Variants in PRKN observed in about 807,000 individuals in gnomAD.
PRKN encodes parkin RBR E3 ubiquitin protein ligase.
A neutral mutation model predicts 59.5 loss-of-function variants in PRKN; 56 were observed. The observed-to-expected ratio is 0.94, with a 90% CI of 0.76 to 1.18. The LOEUF (loss-of-function observed/expected upper bound fraction) is 1.18. PRKN is among the 50% of genes most tolerant of loss of function. The pLI is 0.00. For missense variants in PRKN, 657 were observed against 596.4 expected (o/e 1.10, Z -1.06); for synonymous variants, 250 against 222.1 (o/e 1.13, Z -1.12).
intron 2 of PRKN, among the ~76,000 whole-genome samples, chr6:162,363,985 T>C (rs1785287354): frequency 6.6e-6 from 1 of 152,188 alleles, no homozygotes; most frequent in African/African-American, 2.4e-5. Flanking sequence ...CATGAGTAAG[T>C]TCCCTCTGAG....
At position 161,703,472 on chromosome 6, in the gene PRKN, A is replaced by G. The variant is rs74596887; in HGVS notation, c.871+82300T>C. On this transcript the variant is annotated intron_variant, in intron 7 of 11. Transcript: ENST00000366898. ...TTAGAATGGATAAAATAAAGGCCAGATAACACCAGGGCTGGCAAAGATGCA... is the reference window on the plus strand; with the variant it reads ...TTAGAATGGATAAAATAAAGGCCAGGTAACACCAGGGCTGGCAAAGATGCA... Among the ~76,000 whole-genome samples the G allele has an allele frequency of 9.7e-3, 1,473 of 152,336 alleles. 6 individuals carry two copies. Among genetic ancestry groups the G allele is most frequent in the South Asian group, 0.02 (96 of 4,828 alleles).
At chr6:162,159,117 A>T (rs1782650154) in intron 4 of PRKN, among the ~76,000 whole-genome samples, 1 of 152,032 alleles carries the variant, frequency 6.6e-6, no homozygotes, top group African/African-American at 2.4e-5. Context: ...CAAAAACACC[A>T]GGTGATTTGC....
chr6:162,612,845 C>A (rs959212764), intron 1 of PRKN, among the ~76,000 whole-genome samples: 3 of 152,130 alleles, frequency 2.0e-5, no homozygotes, highest in African/African-American at 7.2e-5. Context: ...TTCTGGCCCA[C>A]AGAGGGCACC....
intron 6 of PRKN, among the ~76,000 whole-genome samples, chr6:161,882,436 C>G (rs1364827570): frequency 6.6e-6 from 1 of 152,242 alleles, no homozygotes; most frequent in East Asian, 1.9e-4. Context: ...CCAGCCCAGG[C>G]GGCAGCTTCC....
At chr6:162,046,487 T>C (rs186633177) in intron 5 of PRKN, among the ~76,000 whole-genome samples, 157 of 152,328 alleles carry the variant, frequency 1.0e-3, no homozygotes, top group African/African-American at 3.6e-3. Flanking sequence ...GCTGGAAAGA[T>C]GGCGTCATAG....
At chr6:162,596,806 G>A (rs1226738460) in intron 1 of PRKN, among the ~76,000 whole-genome samples, 2 of 152,246 alleles carry the variant, frequency 1.3e-5, no homozygotes, top group East Asian at 1.9e-4. Context: ...AGATTCTCCT[G>A]GCGCTAAAGG....
In PRKN at chr6:161,598,407, A is replaced by C. The variant is rs144901994; in HGVS notation, c.872-28991T>G. Among the ~76,000 whole-genome samples, 35 of 152,280 alleles carry C rather than the reference A, an allele frequency of 2.3e-4. No individual in the cohort carries two copies. In the East Asian group the frequency reaches 5.6e-3, roughly 24 times the overall value. On this transcript the variant is annotated intron_variant, in intron 7 of 11. Transcript: ENST00000366898. ...ATGTTAATTATAAGAGAGAGAAAAG[A>C]CCTGTAAATGAAAGAGAGAGATCAC...
chr6:161,991,293 C>T (rs1343460835), intron 5 of PRKN, among the ~76,000 whole-genome samples: 1 of 152,104 alleles, frequency 6.6e-6, no homozygotes, highest in East Asian at 1.9e-4. Context: ...CACGAAAACA[C>T]ACAAAAGTGC....
chr6:161,438,215 A>ATTT (rs34955373), intron 9 of PRKN, among the ~76,000 whole-genome samples: 1,518 of 112,406 alleles, frequency 0.014, 102 homozygotes, highest in African/African-American at 0.045. Flanking sequence ...AATTCTGTTA[A>ATTT]TTTTTTTTTT....
intron 2 of PRKN, among the ~76,000 whole-genome samples, chr6:162,319,141 G>A (rs535138865): frequency 2.0e-4 from 31 of 151,924 alleles, no homozygotes; most frequent in African/African-American, 7.0e-4. Context: ...GTGTAATTAC[G>A]AAATAAGAAA....
chr6:161,779,435 C>CTTT (rs1583153971), intron 7 of PRKN, among the ~76,000 whole-genome samples: 8 of 40,426 alleles, frequency 2.0e-4, no homozygotes, highest in Admixed American at 1.1e-3. Flanking sequence ...TTTTTCTTTT[C>CTTT]TTTTCTTTTT....
intron 4 of PRKN, among the ~76,000 whole-genome samples, chr6:162,152,394 C>G (rs954839473): frequency 6.6e-6 from 1 of 152,182 alleles, no homozygotes; most frequent in African/African-American, 2.4e-5. Context: ...TCAAGCTCAC[C>G]AGGCCCACTC....
intron 7 of PRKN, among the ~76,000 whole-genome samples, chr6:161,778,236 A>C (rs1790043834): frequency 6.6e-6 from 1 of 152,090 alleles, no homozygotes; most frequent in Non-Finnish European, 1.5e-5. Flanking sequence ...AGTCCTTTGG[A>C]CCACACCAAG....
chr6:161,924,091 C>T (rs975308143), intron 6 of PRKN, among the ~76,000 whole-genome samples: 12 of 152,126 alleles, frequency 7.9e-5, no homozygotes, highest in African/African-American at 2.7e-4. Context: ...TCAGATTCCT[C>T]GTCTGTGAAA....
chr6:161,398,192 C>T (rs548069620), intron 9 of PRKN, among the ~76,000 whole-genome samples: 1 of 152,218 alleles, frequency 6.6e-6, no homozygotes, highest in South Asian at 2.1e-4. Context: ...CCTAACAGAG[C>T]ACCATAGCAG....
chr6:162,451,526 A>G (rs931083882), intron 1 of PRKN, among the ~76,000 whole-genome samples: 3 of 152,082 alleles, frequency 2.0e-5, no homozygotes, highest in African/African-American at 7.2e-5. Flanking sequence ...GGAGTTTGAG[A>G]TCAACCTGAG....
chr6:161,800,711 G>A (rs752784837), intron 6 of PRKN, among the ~76,000 whole-genome samples: 8 of 152,138 alleles, frequency 5.3e-5, no homozygotes, highest in Non-Finnish European at 8.8e-5. Context: ...GGGAGTGACG[G>A]CACTGGGGGA....
rs538136052 is a variant in PRKN, at chr6:162,242,280, T to G, written c.412+20245A>C. ...ATAGAATCCAGGAGGTGCGGGTCCC[T>G]TTGTCCCCACCAGGAAAATGCAGTT... On this transcript the variant is annotated intron_variant, in intron 3 of 11. Transcript: ENST00000366898. 7.2e-5 allele frequency among the ~76,000 whole-genome samples: 11 copies of G among 152,198 alleles called. No homozygotes were observed. In the South Asian group the frequency reaches 1.0e-3, roughly 14 times the overall value.
At position 161,588,151 on chromosome 6, in the gene PRKN, C is replaced by T. The variant is rs1454640088; in HGVS notation, c.872-18735G>A. Among the ~76,000 whole-genome samples the T allele has an allele frequency of 1.3e-5, 2 of 151,848 alleles. No homozygotes were observed. Among genetic ancestry groups the T allele is most frequent in the Non-Finnish European group, 2.9e-5 (2 of 67,976 alleles). ...CTGTAATCCCAGCACTTTGGGAGGCCGAGTCGGGTGGATCACAAGGTCAGG... is the reference window on the plus strand; with the variant it reads ...CTGTAATCCCAGCACTTTGGGAGGCTGAGTCGGGTGGATCACAAGGTCAGG... On this transcript the variant is annotated intron_variant, in intron 7 of 11. Coordinates refer to ENST00000366898, the MANE Select transcript of PRKN (RefSeq NM_004562.3). The surrounding 1 kb of genome is among the most constrained non-coding windows in gnomAD (Gnocchi z 5.0).
Sources: gnomAD v4.1 joint callset for allele counts (sites outside exome capture counted in the v4.1 genomes callset) on GRCh38, gnomAD v4.1.1 for gene constraint, Gnocchi (gnomAD v3.1) non-coding constraint, MANE v1.5 for transcripts, NCBI Gene and HGNC (gene_info 2026-07-23, HGNC 2026-07-21) for gene names.